MARK2: variants seen among roughly 807,000 people sequenced by gnomAD.
The protein encoded by MARK2 is serine/threonine-protein kinase MARK2.
In MARK2, 16 loss-of-function variants were observed where a neutral mutation model predicts 89.8. The ratio of observed to expected loss-of-function variants is 0.18; its 90% CI spans 0.12 to 0.27. The LOEUF (loss-of-function observed/expected upper bound fraction) is 0.27. MARK2 is among the 10% of genes least tolerant of loss of function. MARK2 has a pLI of 1.00. For synonymous variants in MARK2, 382 were observed against 399.5 expected (o/e 0.96, Z 0.52); for missense variants, 621 against 1,049.9 (o/e 0.59, Z 5.65).
rs778366082 is a variant in MARK2, at chr11:63,904,029, G to C, written c.1558G>C (p.Ala520Pro). 6.2e-7 allele frequency: 1 copy of C among 1,608,102 alleles called. No individual in the cohort carries two copies. The highest frequency in any genetic ancestry group is 1.3e-5 in the African/African-American group (1 of 74,952). Residue 520 changes from alanine to proline, a missense_variant, in exon 15 of 19, where the codon GCC becomes CCC. Physicochemically the swap from Ala to Pro is conservative, Grantham distance 27. Coordinates refer to ENST00000402010, the MANE Select transcript of MARK2 (RefSeq NM_001039469.3). This position sits in a 1 kb window ranked among gnomAD's most constrained non-coding sequence, Gnocchi z 6.3. ...CCGGGCCTCCACGGCTTCTGCTTCTGCCGCAGTCTCTGCGGCCCGGCCCCG... is the reference window on the plus strand; with the variant it reads ...CCGGGCCTCCACGGCTTCTGCTTCTCCCGCAGTCTCTGCGGCCCGGCCCCG... ...GSRASTASASAAVSAARPRQH... is the reference protein window; with the variant it reads ...GSRASTASASPAVSAARPRQH...
chr11:63,851,763 A>G (rs1343948286), intron 1 of MARK2, among the ~76,000 whole-genome samples: 1 of 152,034 alleles, frequency 6.6e-6, no homozygotes, highest in Non-Finnish European at 1.5e-5. Context: ...ACTGCTTTAG[A>G]AAACTTTTTT....
intron 1 of MARK2, among the ~76,000 whole-genome samples, chr11:63,892,148 G>A (rs1939909725): frequency 6.6e-6 from 1 of 152,154 alleles, no homozygotes; most frequent in South Asian, 2.1e-4. Context: ...AGGTTGATGA[G>A]GAAGAGAGAA....
intron 1 of MARK2, among the ~76,000 whole-genome samples, chr11:63,862,184 C>T (rs1419662834): frequency 6.6e-6 from 1 of 152,098 alleles, no homozygotes; most frequent in Non-Finnish European, 1.5e-5. Flanking sequence ...CTCAGCTTCC[C>T]AAAGTGCTGG....
chr11:63,852,618 C>A (rs1236567202), intron 1 of MARK2, among the ~76,000 whole-genome samples: 1 of 149,066 alleles, frequency 6.7e-6, no homozygotes, highest in Non-Finnish European at 1.5e-5. Context: ...AGTGGACATA[C>A]CAACAAGTAT....
At chr11:63,843,178 CT>C (rs2016108201) in intron 1 of MARK2, among the ~76,000 whole-genome samples, 1 of 152,154 alleles carries the variant, frequency 6.6e-6, no homozygotes, top group South Asian at 2.1e-4. Context: ...TTGTTCACTT[CT>C]TTTCCAAATG....
At chr11:63,889,089 G>C in intron 1 of MARK2, 2 of 632,584 alleles carry the variant, frequency 3.2e-6, no homozygotes, top group South Asian at 3.0e-5. Context: ...TAATATTCAT[G>C]GGAAGGGTGT....
chr11:63,873,506 A>T (rs1429322340), intron 1 of MARK2, among the ~76,000 whole-genome samples: 2 of 151,946 alleles, frequency 1.3e-5, no homozygotes, highest in African/African-American at 2.4e-5. Context: ...AAGGGGCACC[A>T]CTTTAGTCTT....
intron 1 of MARK2, among the ~76,000 whole-genome samples, chr11:63,863,848 C>T (rs12295918): frequency 0.057 from 8,728 of 152,130 alleles, 850 homozygotes; most frequent in African/African-American, 0.2. Flanking sequence ...ACATGGCTCA[C>T]TGCAGCCTCA....
rs35231498 is a variant in MARK2, at chr11:63,901,473, C to CTTTTTTTTTT, written c.1101+417_1101+426dup. ...TCTGATCGGAAGTTTGAGTCTGTTG[C>CTTTTTTTTTT]TTTTTTTTTTTTTTTTTTTTTTGAG... On this transcript the variant is annotated intron_variant, in intron 11 of 18. Coordinates refer to ENST00000402010, the MANE Select transcript of MARK2 (RefSeq NM_001039469.3). 7.6e-4 allele frequency among the ~76,000 whole-genome samples: 44 copies of CTTTTTTTTTT among 57,696 alleles called. 6 individuals carry two copies. Among genetic ancestry groups the CTTTTTTTTTT allele is most frequent in the Non-Finnish European group, 8.1e-4 (29 of 35,782 alleles). 37.9% of individuals were successfully genotyped at this position (57,696 alleles called of 152,430 possible). A position where few individuals can be genotyped will look rare whatever the true frequency, so the allele number is the denominator to read the frequency against.
chr11:63,882,274 T>G (rs1306434976), intron 1 of MARK2, among the ~76,000 whole-genome samples: 1 of 151,834 alleles, frequency 6.6e-6, no homozygotes, highest in Non-Finnish European at 1.5e-5. Context: ...CCTGAAATAA[T>G]AAAAGTTTTA....
At chr11:63,898,136 G>T in intron 3 of MARK2, 96 bp from the exon 4 acceptor site, 2 of 1,014,742 alleles carry the variant, frequency 2.0e-6, no homozygotes, top group South Asian at 1.4e-5. Flanking sequence ...GCCCGGTTTT[G>T]GTTTTTTGGG....
intron 1 of MARK2, among the ~76,000 whole-genome samples, chr11:63,853,139 C>T (rs1251758003): frequency 6.6e-6 from 1 of 152,206 alleles, no homozygotes; most frequent in Non-Finnish European, 1.5e-5. Context: ...TGGCTCATGC[C>T]TGTAATCCCA....
intron 1 of MARK2, chr11:63,890,300 G>A (rs1488301277): frequency 1.5e-6 from 2 of 1,341,666 alleles, no homozygotes; most frequent in Non-Finnish European, 2.0e-6. Context: ...GCAGGGGTAA[G>A]TAAGGGAAGG....
In MARK2 at chr11:63,860,128, T is replaced by C. The variant is rs563054757; in HGVS notation, c.54+20568T>C. On this transcript the variant is annotated intron_variant, in intron 1 of 18. Transcript: ENST00000402010. ...TAAACTACCCTGTAATTCTCAACTT[T>C]GTTCTTTTGCATATACTCATTCTCC... Among the ~76,000 whole-genome samples, 4 of 152,344 alleles carry C rather than the reference T, an allele frequency of 2.6e-5. No homozygotes were observed. In the South Asian group the frequency reaches 6.2e-4, roughly 24 times the overall value.
intron 16 of MARK2, 99 bp downstream of exon 16, chr11:63,905,142 G>T: frequency 7.3e-7 from 1 of 1,364,920 alleles, no homozygotes; most frequent in Non-Finnish European, 1.0e-6. Flanking sequence ...GGGACACTCT[G>T]TACCGGTATT....
intron 1 of MARK2, among the ~76,000 whole-genome samples, chr11:63,859,816 G>A (rs913811915): frequency 1.3e-5 from 2 of 152,018 alleles, no homozygotes; most frequent in Non-Finnish European, 2.9e-5. Flanking sequence ...ATTTTTAGTA[G>A]AGACAGGATT....
intron 1 of MARK2, among the ~76,000 whole-genome samples, chr11:63,839,985 T>G (rs61886104): frequency 0.073 from 11,043 of 152,122 alleles, 499 homozygotes; most frequent in South Asian, 0.22. Flanking sequence ...CTGCCTCGCT[T>G]CCCCTCCGCC....
In MARK2 at chr11:63,896,708, T is replaced by C. The variant is rs111312397; in HGVS notation, c.288+1075T>C. On this transcript the variant is annotated intron_variant, in intron 3 of 18. Transcript: ENST00000402010. ...ACCCCTGGGATCCCTTCAAGGGTTC[T>C]TCAGTTCAGTAGAAACATTGTTGTC... Among the ~76,000 whole-genome samples the C allele has an allele frequency of 2.9e-3, 448 of 152,298 alleles. 3 individuals carry two copies. The highest frequency in any genetic ancestry group is 0.011 in the African/African-American group (440 of 41,574).
intron 1 of MARK2, among the ~76,000 whole-genome samples, chr11:63,886,842 G>C (rs772213195): frequency 2.6e-5 from 4 of 152,246 alleles, no homozygotes; most frequent in Admixed American, 2.0e-4. Context: ...AAATAGGATT[G>C]AGGAAACAGT....
Sources: allele counts gnomAD v4.1 joint callset (sites outside exome capture counted in the v4.1 genomes callset), GRCh38; gene constraint gnomAD v4.1.1; non-coding constraint Gnocchi (gnomAD v3.1); transcripts MANE v1.5; gene names NCBI Gene and HGNC (gene_info 2026-07-23, HGNC 2026-07-21).